Variants in LARS2 observed in about 807,000 individuals in gnomAD.
The protein encoded by LARS2 is leucine--tRNA ligase, mitochondrial.
In LARS2, 81 loss-of-function variants were observed where a neutral mutation model predicts 116.6. The observed-to-expected ratio is 0.69, with a 90% confidence interval of 0.58 to 0.84. LARS2 has a LOEUF of 0.84. LARS2 is among the 40% of genes least tolerant of loss of function. The pLI is 0.00. For synonymous variants in LARS2, 396 were observed against 407.2 expected (o/e 0.97, Z 0.33); for missense variants, 968 against 1,114.5 (o/e 0.87, Z 1.87).
At chr3:45,436,987 G>A (rs556090066) in intron 6 of LARS2, among the ~76,000 whole-genome samples, 3 of 152,190 alleles carry the variant, frequency 2.0e-5, no homozygotes, top group Non-Finnish European at 4.4e-5. Context: ...AAAAATGATA[G>A]TGCTCAAAAA....
At chr3:45,467,262 C>G (rs1176093596) in intron 8 of LARS2, among the ~76,000 whole-genome samples, 2 of 152,164 alleles carry the variant, frequency 1.3e-5, no homozygotes, top group Non-Finnish European at 2.9e-5. Context: ...AGCAAATAGT[C>G]ATTAACAGAT....
intron 4 of LARS2, among the ~76,000 whole-genome samples, chr3:45,403,760 A>G (rs1480597911): frequency 6.6e-6 from 1 of 152,166 alleles, no homozygotes; most frequent in South Asian, 2.1e-4. Flanking sequence ...CTCAGGCCCA[A>G]AAGACAAGGA....
intron 20 of LARS2, among the ~76,000 whole-genome samples, chr3:45,525,819 T>C (rs1012732690): frequency 2.0e-4 from 31 of 152,246 alleles, no homozygotes; most frequent in African/African-American, 6.3e-4. Context: ...CTGAATTCTA[T>C]ATTAATTCCT....
intron 20 of LARS2, among the ~76,000 whole-genome samples, chr3:45,526,556 T>G (rs1410733223): frequency 2.6e-5 from 4 of 152,114 alleles, no homozygotes; most frequent in African/African-American, 9.7e-5. Context: ...AGCCTCCTGC[T>G]TATCGGTAGA....
intron 6 of LARS2, among the ~76,000 whole-genome samples, chr3:45,443,627 G>A (rs1190568800): frequency 1.3e-5 from 2 of 152,114 alleles, no homozygotes; most frequent in African/African-American, 4.8e-5. Context: ...CTTCCTCAGG[G>A]CACTCCCAGC....
intron 16 of LARS2, 72 bp downstream of exon 16, chr3:45,513,307 A>G: frequency 9.9e-7 from 1 of 1,007,286 alleles, no homozygotes; most frequent in Non-Finnish European, 1.6e-6. Flanking sequence ...GCTACTGAGC[A>G]AGCAGGCATC....
At chr3:45,451,923 A>G (rs930350087) in intron 7 of LARS2, among the ~76,000 whole-genome samples, 1 of 152,024 alleles carries the variant, frequency 6.6e-6, no homozygotes, top group Non-Finnish European at 1.5e-5. Context: ...ACCTTGCTTA[A>G]ATTTACTCCT....
intron 3 of LARS2, among the ~76,000 whole-genome samples, chr3:45,398,078 T>C (rs1004167851): frequency 5.3e-5 from 8 of 152,348 alleles, no homozygotes; most frequent in African/African-American, 1.9e-4. Flanking sequence ...CAGATGATTT[T>C]CTAATTTGTG....
At chr3:45,449,023 A>G (rs1294653317) in intron 7 of LARS2, among the ~76,000 whole-genome samples, 2 of 152,220 alleles carry the variant, frequency 1.3e-5, no homozygotes, top group East Asian at 1.9e-4. Context: ...ATAGTTCTGA[A>G]GGCTGGGAAG....
At chr3:45,469,755 TA>T (rs1329546303) in intron 8 of LARS2, among the ~76,000 whole-genome samples, 1 of 152,170 alleles carries the variant, frequency 6.6e-6, no homozygotes, top group Non-Finnish European at 1.5e-5. Flanking sequence ...TCTATATTTT[TA>T]AACATCTTGC....
chr3:45,417,619 T>TA (rs1698451628), intron 5 of LARS2, 46 bp downstream of exon 5: 5 of 1,457,072 alleles, frequency 3.4e-6, no homozygotes, highest in Non-Finnish European at 3.8e-6. Flanking sequence ...CAAAAACCTT[T>TA]AAAAAATTTT....
Position 45,541,995 on chromosome 3 carries a change from T to C in LARS2, c.2532+39T>C. On this transcript the variant is annotated intron_variant, in intron 21 of 21. Transcript: ENST00000645846. Reference sequence around the variant, plus strand: ...CTCAACCCCAGAACCCAGCAGTCCCTGCCCTGCTGGTGGCCCCTAAATACT... The same window carrying C: ...CTCAACCCCAGAACCCAGCAGTCCCCGCCCTGCTGGTGGCCCCTAAATACT... The C allele has an allele frequency of 2.0e-5, 32 of 1,609,916 alleles. 1 individual carries two copies. Among genetic ancestry groups the C allele is most frequent in the Non-Finnish European group, 2.7e-5 (32 of 1,177,036 alleles).
At chr3:45,473,905 AT>A (rs1051038272) in intron 8 of LARS2, among the ~76,000 whole-genome samples, 18 of 152,094 alleles carry the variant, frequency 1.2e-4, no homozygotes, top group African/African-American at 3.6e-4. Context: ...CTTGAACTTA[AT>A]TTTTTTAGTT....
intron 4 of LARS2, among the ~76,000 whole-genome samples, chr3:45,412,861 C>CT (rs1698353571): frequency 6.6e-6 from 1 of 152,256 alleles, no homozygotes; most frequent in African/African-American, 2.4e-5. Flanking sequence ...GCAAAGTCTA[C>CT]TGTAGGGCAG....
intron 4 of LARS2, among the ~76,000 whole-genome samples, chr3:45,407,630 TAAG>T (rs767888220): frequency 1.3e-5 from 2 of 152,218 alleles, no homozygotes; most frequent in African/African-American, 2.4e-5. Flanking sequence ...TTCTTGGAAA[TAAG>T]AAGTGTTGAA....
At chr3:45,475,891 A>G (rs1313642368) in intron 9 of LARS2, among the ~76,000 whole-genome samples, 5 of 152,144 alleles carry the variant, frequency 3.3e-5, no homozygotes, top group Admixed American at 3.3e-4. Context: ...TGTGTCCTCC[A>G]TGTCTGTCAC....
chr3:45,418,090 CA>C (rs1321902142), intron 5 of LARS2, among the ~76,000 whole-genome samples: 1 of 152,200 alleles, frequency 6.6e-6, no homozygotes, highest in Non-Finnish European at 1.5e-5. Context: ...CAATCCCACC[CA>C]AGCCTCAGGC....
At chr3:45,519,608 G>C (rs1700421864) in intron 18 of LARS2, 1 of 149,782 alleles carries the variant, frequency 6.7e-6, no homozygotes, top group Non-Finnish European at 1.5e-5. Context: ...CTGTTATGTT[G>C]AGTTTACCCA....
chr3:45,462,245 C>T (rs1262383188), intron 8 of LARS2, among the ~76,000 whole-genome samples: 4 of 152,024 alleles, frequency 2.6e-5, no homozygotes, highest in Admixed American at 6.6e-5. Context: ...CACCTTAAGG[C>T]GAGATGGTTG....
Sources: gnomAD v4.1 joint callset for allele counts (sites outside exome capture counted in the v4.1 genomes callset) on GRCh38, gnomAD v4.1.1 for gene constraint, MANE v1.5 for transcripts, NCBI Gene and HGNC (gene_info 2026-07-23, HGNC 2026-07-21) for gene names.